EPHA6: variants seen among roughly 807,000 people sequenced by gnomAD.
EPHA6 encodes the protein ephrin type-A receptor 6.
A neutral mutation model predicts 112.0 loss-of-function variants in EPHA6; 50 were observed. That is an observed-to-expected ratio of 0.45 (90% confidence interval 0.36 to 0.56). EPHA6 has a LOEUF of 0.56. Ranked by LOEUF, EPHA6 falls within the 20% of genes least tolerant of loss-of-function variation. The pLI, the probability that EPHA6 is intolerant of heterozygous loss-of-function variation, is 0.00. For synonymous variants in EPHA6, 529 were observed against 490.7 expected, an observed-to-expected ratio of 1.08 and a Z score of -1.03; for missense variants, 1,280 against 1,417.4, an observed-to-expected ratio of 0.90 and a Z score of 1.56.
At chr3:96,853,622 A>G (rs566827633) in intron 1 of EPHA6, among the ~76,000 whole-genome samples, 3 of 152,170 alleles carry the variant, frequency 2.0e-5, no homozygotes, top group African/African-American at 7.2e-5. Flanking sequence ...ATACATATAT[A>G]TAAAGAAAAC....
chr3:97,708,228 A>G (rs561342075), intron 14 of EPHA6, among the ~76,000 whole-genome samples: 19 of 152,360 alleles, frequency 1.2e-4, no homozygotes, highest in African/African-American at 4.6e-4. Flanking sequence ...ATCCAAGCTT[A>G]GGTGGTCTCA....
rs917948114 is a variant in EPHA6, at chr3:97,733,109, A to G, written c.2935-2816A>G. On this transcript the variant is annotated intron_variant, in intron 15 of 17. Coordinates refer to ENST00000389672, the MANE Select transcript of EPHA6 (RefSeq NM_001080448.3). Reference sequence around the variant, plus strand: ...ACTCTTACAAGGCATGCATGAGAGCAACTTTGTCAAGAGGCATAAGCAACC... The same window carrying G: ...ACTCTTACAAGGCATGCATGAGAGCGACTTTGTCAAGAGGCATAAGCAACC... 9.9e-5 allele frequency among the ~76,000 whole-genome samples: 15 copies of G among 152,040 alleles called. 1 individual carries two copies. Among genetic ancestry groups the G allele is most frequent in the African/African-American group, 3.4e-4 (14 of 41,414 alleles).
rs1015678370 is a variant in EPHA6, at chr3:97,015,036, A to C, written c.1114+27043A>C. On this transcript the variant is annotated intron_variant, in intron 3 of 17. Coordinates refer to ENST00000389672, the MANE Select transcript of EPHA6 (RefSeq NM_001080448.3). ...GAACCCTCCACCAACAAGTAAATTA[A>C]ACTGAAAATTATTGACACAAGTTTT... 2.0e-5 allele frequency among the ~76,000 whole-genome samples: 3 copies of C among 152,248 alleles called. No homozygotes were observed. The East Asian group carries it at 5.8e-4, about 29-fold the overall frequency.
At chr3:97,448,471 T>G in intron 6 of EPHA6, 97 bp from the exon 7 acceptor site, 9 of 1,302,066 alleles carry the variant, frequency 6.9e-6, no homozygotes, top group Non-Finnish European at 9.8e-6. Flanking sequence ...ACTTTTGGTA[T>G]TCAGAGCATA....
chr3:97,189,258 G>T (rs2077237240), intron 3 of EPHA6, among the ~76,000 whole-genome samples: 1 of 151,926 alleles, frequency 6.6e-6, no homozygotes, highest in Non-Finnish European at 1.5e-5. Flanking sequence ...TAATGAGTAA[G>T]GATAATCAAT....
intron 4 of EPHA6, among the ~76,000 whole-genome samples, chr3:97,240,523 A>G (rs1307931329): frequency 6.6e-6 from 1 of 151,870 alleles, no homozygotes; most frequent in Non-Finnish European, 1.5e-5. Context: ...TCTGCAAACT[A>G]TGATTAGTTA....
intron 5 of EPHA6, among the ~76,000 whole-genome samples, chr3:97,392,641 T>G (rs1406217634): frequency 6.6e-6 from 1 of 151,786 alleles, no homozygotes; most frequent in Non-Finnish European, 1.5e-5. Context: ...AATGCAACCA[T>G]AAAATTTGCA....
chr3:96,908,688 G>T (rs1035037322), intron 2 of EPHA6, among the ~76,000 whole-genome samples: 15 of 151,924 alleles, frequency 9.9e-5, no homozygotes, highest in Non-Finnish European at 1.5e-4. Flanking sequence ...CAACTGAGTG[G>T]GGGAGTTGTT....
Position 96,814,620 on chromosome 3 carries a change from G to A in EPHA6, c.-4G>A, listed in dbSNP as rs752007781. The A allele has an allele frequency of 6.9e-7, 1 of 1,451,052 alleles. No individual in the cohort carries two copies. The highest frequency in any genetic ancestry group is 9.1e-7 in the Non-Finnish European group (1 of 1,101,306). 89.9% of individuals were successfully genotyped at this position (1,451,052 alleles called of 1,614,324 possible). A position where few individuals can be genotyped will look rare whatever the true frequency, so the allele number is the denominator to read the frequency against. ...GTCCTCGCGCAAGCGGGACACTGTG[G>A]TGGATGCAATTCCCCTCGCCTCCAG... On this transcript the variant is annotated 5_prime_UTR_variant, in exon 1 of 18. It adds an upstream start codon to the 5' untranslated region. Transcript: ENST00000389672.
intron 1 of EPHA6, among the ~76,000 whole-genome samples, chr3:96,836,330 T>C (rs890543138): frequency 6.6e-6 from 1 of 152,122 alleles, no homozygotes; most frequent in Non-Finnish European, 1.5e-5. Context: ...ACCAGACAGA[T>C]TAACTAGGTT....
chr3:96,905,452 G>A (rs893165686), intron 2 of EPHA6, among the ~76,000 whole-genome samples: 5 of 151,474 alleles, frequency 3.3e-5, no homozygotes, highest in African/African-American at 1.2e-4. Flanking sequence ...GAATTCCTCT[G>A]ATTATGAAAA....
intron 2 of EPHA6, among the ~76,000 whole-genome samples, chr3:96,957,290 G>T (rs2041800316): frequency 6.6e-6 from 1 of 152,112 alleles, no homozygotes; most frequent in Non-Finnish European, 1.5e-5. Flanking sequence ...ATAAAAAGGA[G>T]AAAATAAGTG....
chr3:97,182,997 T>C (rs1010373753), intron 3 of EPHA6, among the ~76,000 whole-genome samples: 1 of 152,120 alleles, frequency 6.6e-6, no homozygotes, highest in Non-Finnish European at 1.5e-5. Flanking sequence ...AGATTTTAAA[T>C]CTACTTTTTT....
At chr3:96,925,896 G>C (rs114137772) in intron 2 of EPHA6, among the ~76,000 whole-genome samples, 3,065 of 152,122 alleles carry the variant, frequency 0.02, 118 homozygotes, top group African/African-American at 0.07. Context: ...GTGAGCCATC[G>C]TGCCCAGCCA....
chr3:97,716,429 G>A lies in EPHA6; in HGVS notation c.2785-3832G>A, dbSNP rs1249586929. Reference sequence around the variant, plus strand: ...TAAAAATACAAAAAATTAGCCGGGCGCGGTGGCGGGCGCCTGTAGTCCCAG... The same window carrying A: ...TAAAAATACAAAAAATTAGCCGGGCACGGTGGCGGGCGCCTGTAGTCCCAG... On this transcript the variant is annotated intron_variant, in intron 14 of 17. Transcript: ENST00000389672. 4.3e-5 allele frequency among the ~76,000 whole-genome samples: 6 copies of A among 141,170 alleles called. 1 individual carries two copies. The highest frequency in any genetic ancestry group is 1.9e-4 in the East Asian group (1 of 5,134). The allele number at this position is 141,170 out of a possible 152,430, so 92.6% of individuals were successfully genotyped here. A position where few individuals can be genotyped will look rare whatever the true frequency, so the allele number is the denominator to read the frequency against.
intron 5 of EPHA6, among the ~76,000 whole-genome samples, chr3:97,358,927 T>C (rs1489427472): frequency 6.6e-6 from 1 of 152,108 alleles, no homozygotes; most frequent in East Asian, 1.9e-4. Context: ...CATAATCTTA[T>C]TGAGAATAAC....
At chr3:97,386,157 C>T (rs2086056060) in intron 5 of EPHA6, among the ~76,000 whole-genome samples, 1 of 152,186 alleles carries the variant, frequency 6.6e-6, no homozygotes, top group African/African-American at 2.4e-5. Context: ...AAGTAGCTCC[C>T]TTCCACCTAT....
intron 2 of EPHA6, among the ~76,000 whole-genome samples, chr3:96,943,304 G>T (rs1198979626): frequency 2.0e-5 from 3 of 152,110 alleles, no homozygotes; most frequent in Admixed American, 1.3e-4. Flanking sequence ...AAAAAGAAAT[G>T]ATAAATTTTT....
chr3:96,894,164 C>T (rs1247225380), intron 2 of EPHA6, among the ~76,000 whole-genome samples: 1 of 152,034 alleles, frequency 6.6e-6, no homozygotes, highest in Non-Finnish European at 1.5e-5. Flanking sequence ...ACAGAAAACA[C>T]CTCAGGGTCT....
Sources: gnomAD v4.1 joint callset for allele counts (sites outside exome capture counted in the v4.1 genomes callset) on GRCh38, gnomAD v4.1.1 for gene constraint, MANE v1.5 for transcripts, NCBI Gene and HGNC (gene_info 2026-07-23, HGNC 2026-07-21) for gene names.